RPS6KC1: variants seen among roughly 807,000 people sequenced by gnomAD.
The protein encoded by RPS6KC1 is inactive ribosomal protein S6 kinase delta-1.
Under a neutral mutation model 103.8 loss-of-function variants are expected in RPS6KC1, and 54 were observed. That is an observed-to-expected ratio of 0.52 (90% CI 0.42 to 0.65). The LOEUF is 0.65. RPS6KC1 is among the 30% of genes least tolerant of loss of function. The probability of loss-of-function intolerance (pLI) is 0.00; values close to 1 mark genes in which losing one functional copy is unlikely to be tolerated. For missense variants in RPS6KC1, 1,151 were observed against 1,253.8 expected, an observed-to-expected ratio of 0.92 and a Z score of 1.24; for synonymous variants, 439 against 438.7, an observed-to-expected ratio of 1.00 and a Z score of -0.01.
chr1:213,193,210 G>A (rs1419633600), intron 8 of RPS6KC1, among the ~76,000 whole-genome samples: 2 of 151,990 alleles, frequency 1.3e-5, no homozygotes, highest in Admixed American at 6.6e-5. Flanking sequence ...TATCTGTTAG[G>A]TCCATTTGGC....
At chr1:213,083,752 C>T (rs1031721853) in intron 3 of RPS6KC1, among the ~76,000 whole-genome samples, 4 of 151,980 alleles carry the variant, frequency 2.6e-5, no homozygotes, top group African/African-American at 9.7e-5. Context: ...CCCAGTGGTC[C>T]CTGTCTCCTG....
At chr1:213,737,813 AACTC>A in the RPS6KC1 span, among the ~76,000 whole-genome samples, 1 of 152,324 alleles carries the variant, frequency 6.6e-6, no homozygotes, top group East Asian at 1.9e-4. Context: ...CCAGGGCAGT[AACTC>A]ACTTCTCCAC....
chr1:213,210,679 A>G (rs2093479671), intron 8 of RPS6KC1, among the ~76,000 whole-genome samples: 1 of 152,268 alleles, frequency 6.6e-6, no homozygotes, highest in Non-Finnish European at 1.5e-5. Context: ...TCATTTAAAA[A>G]TAATGTTAAA....
chr1:213,473,876 G>T, the RPS6KC1 span, among the ~76,000 whole-genome samples: 43 of 152,296 alleles, frequency 2.8e-4, no homozygotes, highest in East Asian at 5.8e-3. Flanking sequence ...TAGCAGGCAA[G>T]AGTGGGAAGT....
the RPS6KC1 span, among the ~76,000 whole-genome samples, chr1:213,759,372 A>T: frequency 6.6e-6 from 1 of 152,322 alleles, no homozygotes; most frequent in South Asian, 2.1e-4. Flanking sequence ...GACTTGCTTT[A>T]TTGTGATACT....
chr1:213,687,351 T>C, the RPS6KC1 span, among the ~76,000 whole-genome samples: 1 of 152,218 alleles, frequency 6.6e-6, no homozygotes, highest in Non-Finnish European at 1.5e-5. Context: ...AATTGGGTTT[T>C]AAACCTCAGG....
At chr1:213,081,638 G>A (rs996627809) in intron 3 of RPS6KC1, among the ~76,000 whole-genome samples, 2 of 151,364 alleles carry the variant, frequency 1.3e-5, no homozygotes, top group Non-Finnish European at 2.9e-5. Flanking sequence ...AAAGACTGTG[G>A]CATCTCTCTT....
the RPS6KC1 span, among the ~76,000 whole-genome samples, chr1:213,641,050 T>C: frequency 6.6e-6 from 1 of 152,022 alleles, no homozygotes; most frequent in Non-Finnish European, 1.5e-5. Context: ...TATGTCTTTT[T>C]GGTGAATTGA....
the RPS6KC1 span, among the ~76,000 whole-genome samples, chr1:213,829,704 G>C: frequency 6.6e-6 from 1 of 152,120 alleles, no homozygotes; most frequent in Non-Finnish European, 1.5e-5. Flanking sequence ...TTTAACAAAG[G>C]GAAGCAAGCT....
chr1:213,829,095 T>C, the RPS6KC1 span, among the ~76,000 whole-genome samples: 2 of 152,158 alleles, frequency 1.3e-5, no homozygotes, highest in African/African-American at 2.4e-5. Flanking sequence ...GGACCACTTA[T>C]GAATCTTGTA....
At chr1:213,104,673 A>G in intron 4 of RPS6KC1, 104 bp downstream of exon 4, 1 of 556,080 alleles carries the variant, frequency 1.8e-6, no homozygotes, top group Non-Finnish European at 3.1e-6. Flanking sequence ...TATTCACTAT[A>G]AAAGTAGAAA....
chr1:213,302,335 C>T, the RPS6KC1 span, among the ~76,000 whole-genome samples: 4 of 152,126 alleles, frequency 2.6e-5, no homozygotes, highest in South Asian at 2.1e-4. Context: ...TCATTGGCTC[C>T]TAGAATCTCA....
the RPS6KC1 span, among the ~76,000 whole-genome samples, chr1:213,339,761 G>A: frequency 1.3e-5 from 2 of 152,322 alleles, no homozygotes; most frequent in African/African-American, 4.8e-5. Flanking sequence ...GAGGATGTAG[G>A]ATTCAGCCTA....
In RPS6KC1 at chr1:213,163,889, C is replaced by T. The variant is rs2090719890; in HGVS notation, c.836-3969C>T. On this transcript the variant is annotated intron_variant, in intron 6 of 14. Transcript: ENST00000366960. ...GCTTTGCTTTGTTGCCTAACAGGCA[C>T]CTTTCTCAAATTCTTATGTTTATTT... Among the ~76,000 whole-genome samples, 4 of 152,308 alleles carry T rather than the reference C, an allele frequency of 2.6e-5. No individual in the cohort carries two copies. In the South Asian group the frequency reaches 8.3e-4, roughly 32 times the overall value.
At chr1:213,138,386 G>A (rs770049659) in intron 6 of RPS6KC1, among the ~76,000 whole-genome samples, 3 of 152,000 alleles carry the variant, frequency 2.0e-5, no homozygotes, top group Admixed American at 1.3e-4. Context: ...GGTTCAAGGG[G>A]TATATGTGCA....
chr1:213,187,461 G>T (rs917197133), intron 8 of RPS6KC1, among the ~76,000 whole-genome samples: 2 of 151,928 alleles, frequency 1.3e-5, no homozygotes, highest in African/African-American at 4.8e-5. Flanking sequence ...GGCCTGGCTG[G>T]TCTTGAACTC....
chr1:213,744,202 C>T, the RPS6KC1 span, among the ~76,000 whole-genome samples: 2 of 151,680 alleles, frequency 1.3e-5, no homozygotes, highest in East Asian at 1.9e-4. Context: ...GATGGGTGCA[C>T]CATAATCTCA....
chr1:213,727,226 C>G, the RPS6KC1 span, among the ~76,000 whole-genome samples: 1 of 152,164 alleles, frequency 6.6e-6, no homozygotes, highest in African/African-American at 2.4e-5. Flanking sequence ...AAAATTTGCA[C>G]CTACATAATT....
intron 14 of RPS6KC1, among the ~76,000 whole-genome samples, chr1:213,263,933 AG>A (rs2094857247): frequency 6.6e-6 from 1 of 152,052 alleles, no homozygotes; most frequent in Non-Finnish European, 1.5e-5. Flanking sequence ...CAGCATGGCA[AG>A]GATGTGGGGA....
Sources: allele counts gnomAD v4.1 joint callset (sites outside exome capture counted in the v4.1 genomes callset), GRCh38; gene constraint gnomAD v4.1.1; transcripts MANE v1.5; gene names NCBI Gene and HGNC (gene_info 2026-07-23, HGNC 2026-07-21).